EYA4: variants seen among roughly 807,000 people sequenced by gnomAD.
EYA4 encodes EYA transcriptional coactivator and phosphatase 4.
Under a neutral mutation model 87.9 loss-of-function variants are expected in EYA4, and 31 were observed. The ratio of observed to expected loss-of-function variants is 0.35; its 90% CI spans 0.27 to 0.48. The LOEUF (loss-of-function observed/expected upper bound fraction) is 0.48. Ranked by LOEUF, EYA4 falls within the 20% of genes least tolerant of loss-of-function variation. The pLI is 0.99. For missense variants in EYA4, 678 were observed against 761.4 expected, an observed-to-expected ratio of 0.89 and a Z score of 1.29; for synonymous variants, 263 against 270.6, an observed-to-expected ratio of 0.97 and a Z score of 0.28.
rs535714508 is a variant in EYA4, at chr6:133,399,337, C to A, written c.83+16896C>A. Among the ~76,000 whole-genome samples the A allele has an allele frequency of 9.2e-5, 14 of 152,190 alleles. 1 individual carries two copies. The highest frequency in any genetic ancestry group is 3.4e-4 in the African/African-American group (14 of 41,536). On this transcript the variant is annotated intron_variant, in intron 3 of 19. Transcript: ENST00000355286. ...AACTAGTACTTCAATGTATTTTTCTCTCCCTTTCAAGTAGAGGATGACTAT... is the reference window on the plus strand; with the variant it reads ...AACTAGTACTTCAATGTATTTTTCTATCCCTTTCAAGTAGAGGATGACTAT...
At chr6:133,433,261 A>G (rs1791349319) in intron 3 of EYA4, among the ~76,000 whole-genome samples, 1 of 152,248 alleles carries the variant, frequency 6.6e-6, no homozygotes, top group African/African-American at 2.4e-5. Context: ...AAGACATGCC[A>G]GAGTAACCTC....
chr6:133,320,818 C>A (rs970496694), intron 2 of EYA4, among the ~76,000 whole-genome samples: 1 of 152,140 alleles, frequency 6.6e-6, no homozygotes, highest in Non-Finnish European at 1.5e-5. Context: ...ATAATGACCT[C>A]CAGCTCCATC....
intron 2 of EYA4, among the ~76,000 whole-genome samples, chr6:133,349,903 A>G (rs1783505786): frequency 6.6e-6 from 1 of 152,160 alleles, no homozygotes; most frequent in African/African-American, 2.4e-5. Context: ...TGCCAATTTG[A>G]GAGCTCTAGT....
chr6:133,278,111 T>C (rs922710898), intron 2 of EYA4, among the ~76,000 whole-genome samples: 1 of 152,116 alleles, frequency 6.6e-6, no homozygotes, highest in African/African-American at 2.4e-5. Context: ...TTCAGTTTTT[T>C]TTTTTCTGGT....
intron 3 of EYA4, among the ~76,000 whole-genome samples, chr6:133,414,376 C>T (rs1015472317): frequency 3.9e-5 from 6 of 152,180 alleles, no homozygotes; most frequent in Non-Finnish European, 5.9e-5. Flanking sequence ...AAGAATCCCT[C>T]GTATGTATTC....
At chr6:133,319,699 T>C (rs1287005204) in intron 2 of EYA4, among the ~76,000 whole-genome samples, 1 of 150,322 alleles carries the variant, frequency 6.7e-6, no homozygotes, top group Admixed American at 6.7e-5. Flanking sequence ...GTTTTACTTC[T>C]GATTTTTTTC....
At chr6:133,384,476 C>G (rs1786522047) in intron 3 of EYA4, among the ~76,000 whole-genome samples, 5 of 152,096 alleles carry the variant, frequency 3.3e-5, no homozygotes. Context: ...TAAAATCAGG[C>G]AAATCAATTT....
At chr6:133,347,118 G>A (rs970860758) in intron 2 of EYA4, among the ~76,000 whole-genome samples, 1 of 152,118 alleles carries the variant, frequency 6.6e-6, no homozygotes, top group South Asian at 2.1e-4. Flanking sequence ...TGAGATCAAG[G>A]GAGAGCAAAA....
intron 3 of EYA4, among the ~76,000 whole-genome samples, chr6:133,431,764 A>G (rs191154447): frequency 1.3e-5 from 2 of 152,320 alleles, no homozygotes; most frequent in Admixed American, 1.3e-4. Flanking sequence ...GGAGTGCTTT[A>G]AATTTATAAC....
chr6:133,445,646 T>G (rs975474780), intron 3 of EYA4, among the ~76,000 whole-genome samples: 4 of 151,496 alleles, frequency 2.6e-5, no homozygotes, highest in African/African-American at 7.3e-5. Context: ...TGGCGCAATC[T>G]CCACTCACTG....
At chr6:133,260,576 C>T (rs1444162088) in intron 1 of EYA4, among the ~76,000 whole-genome samples, 1 of 152,106 alleles carries the variant, frequency 6.6e-6, no homozygotes, top group Non-Finnish European at 1.5e-5. Context: ...CTCTTAGAAC[C>T]CTTTGTACTC....
At chr6:133,248,219 A>G (rs1319728286) in intron 1 of EYA4, 1 of 152,222 alleles carries the variant, frequency 6.6e-6, no homozygotes, top group African/African-American at 2.4e-5. Flanking sequence ...CTAACTTGAC[A>G]TGACTTTAGA....
intron 18 of EYA4, among the ~76,000 whole-genome samples, chr6:133,524,226 G>A (rs535013193): frequency 1.3e-5 from 2 of 152,226 alleles, no homozygotes; most frequent in South Asian, 4.1e-4. Context: ...TTTTACAGCA[G>A]AATAAACATT....
At chr6:133,376,652 G>T (rs371271193) in intron 2 of EYA4, among the ~76,000 whole-genome samples, 3 of 151,954 alleles carry the variant, frequency 2.0e-5, no homozygotes, top group East Asian at 3.9e-4. Context: ...CTCCTCAAAA[G>T]ATTGTGAGCT....
At chr6:133,347,032 C>T (rs894775196) in intron 2 of EYA4, among the ~76,000 whole-genome samples, 6 of 152,130 alleles carry the variant, frequency 3.9e-5, no homozygotes, top group African/African-American at 9.7e-5. Context: ...CAGATAATTG[C>T]GTTGTGTTAT....
chr6:133,389,242 G>A (rs771931036), intron 3 of EYA4, among the ~76,000 whole-genome samples: 33 of 152,274 alleles, frequency 2.2e-4, no homozygotes, highest in Non-Finnish European at 4.0e-4. Flanking sequence ...GAGATTGCTA[G>A]GGACAGACCT....
At chr6:133,353,692 A>G (rs945472274) in intron 2 of EYA4, among the ~76,000 whole-genome samples, 3 of 152,156 alleles carry the variant, frequency 2.0e-5, no homozygotes, top group African/African-American at 7.2e-5. Context: ...AATACTTAAA[A>G]AGACTTAGCC....
intron 3 of EYA4, among the ~76,000 whole-genome samples, chr6:133,416,622 ATAT>A (rs1248143498): frequency 6.6e-6 from 1 of 152,202 alleles, no homozygotes; most frequent in Non-Finnish European, 1.5e-5. Flanking sequence ...CATTACGTAT[ATAT>A]TATATTACAT....
intron 1 of EYA4, among the ~76,000 whole-genome samples, chr6:133,257,574 T>G (rs1291177568): frequency 6.6e-6 from 1 of 152,200 alleles, no homozygotes; most frequent in Non-Finnish European, 1.5e-5. Flanking sequence ...TTTTGCCTAT[T>G]AATCAGGGAA....
Sources: gnomAD v4.1 joint callset for allele counts (sites outside exome capture counted in the v4.1 genomes callset) on GRCh38, gnomAD v4.1.1 for gene constraint, MANE v1.5 for transcripts, NCBI Gene and HGNC (gene_info 2026-07-23, HGNC 2026-07-21) for gene names.